The following DCC variants were observed in gnomAD, a reference collection of about 807,000 sequenced individuals.
DCC encodes netrin receptor DCC.
In DCC, 58 loss-of-function variants were observed where a neutral mutation model predicts 172.5. That is an observed-to-expected ratio of 0.34 (90% CI 0.27 to 0.42). The LOEUF is 0.42. DCC is among the 10% of genes least tolerant of loss of function. DCC has a pLI of 1.00. For synonymous variants in DCC, 709 were observed against 644.5 expected, an observed-to-expected ratio of 1.10 and a Z score of -1.52; for missense variants, 1,740 against 1,791.0, an observed-to-expected ratio of 0.97 and a Z score of 0.51.
At chr18:52,743,461 A>G (rs1442533809) in intron 1 of DCC, among the ~76,000 whole-genome samples, 1 of 152,088 alleles carries the variant, frequency 6.6e-6, no homozygotes, top group Non-Finnish European at 1.5e-5. Context: ...GTTGGGCTGG[A>G]AAAAAAATTT....
chr18:52,664,470 C>CTTTTTTTTTTTTT lies in DCC; in HGVS notation c.92-87579_92-87578insTTTTTTTTTTTTT, dbSNP rs74178680. ...CAAATATCTTTTTTCTTTTCTTTTTCTTTTTCTTTTTTTTTTTTTTTTGAG... is the reference window on the plus strand; with the variant it reads ...CAAATATCTTTTTTCTTTTCTTTTTCTTTTTTTTTTTTTTTTTTCTTTTTTTTTTTTTTTTGAG... On this transcript the variant is annotated intron_variant, in intron 1 of 28. Coordinates refer to ENST00000442544, the MANE Select transcript of DCC (RefSeq NM_005215.4). 5.4e-4 allele frequency among the ~76,000 whole-genome samples: 54 copies of CTTTTTTTTTTTTT among 99,792 alleles called. 4 individuals are homozygous for CTTTTTTTTTTTTT. The highest frequency in any genetic ancestry group is 9.1e-4 in the East Asian group (3 of 3,298). 65.5% of individuals were successfully genotyped at this position (99,792 alleles called of 152,430 possible).
intron 12 of DCC, among the ~76,000 whole-genome samples, chr18:53,216,107 T>C (rs1447133305): frequency 6.6e-6 from 1 of 152,216 alleles, no homozygotes. Flanking sequence ...GTTACCTAGT[T>C]GTTAGAACTT....
intron 1 of DCC, among the ~76,000 whole-genome samples, chr18:52,645,557 G>C (rs1056410436): frequency 6.6e-6 from 1 of 152,128 alleles, no homozygotes; most frequent in African/African-American, 2.4e-5. Flanking sequence ...GTAAAAGCTT[G>C]TCCTCAAGAG....
chr18:53,204,910 G>A (rs1216299502), intron 9 of DCC, among the ~76,000 whole-genome samples: 1 of 152,068 alleles, frequency 6.6e-6, no homozygotes, highest in Non-Finnish European at 1.5e-5. Context: ...TTCAGACTAA[G>A]AATTTAGATT....
At chr18:52,912,053 A>C (rs1407229369) in intron 3 of DCC, among the ~76,000 whole-genome samples, 1 of 152,024 alleles carries the variant, frequency 6.6e-6, no homozygotes, top group African/African-American at 2.4e-5. Context: ...AACATTGACC[A>C]GTTAATAAAT....
At chr18:53,322,198 T>C (rs768915555) in intron 14 of DCC, 41 bp downstream of exon 14, 16 of 1,053,558 alleles carry the variant, frequency 1.5e-5, no homozygotes, top group Non-Finnish European at 2.4e-5. Flanking sequence ...GATTATCTTC[T>C]TGTTATCTCA....
chr18:52,751,995 T>G (rs927348318), intron 1 of DCC, 59 bp from the exon 2 acceptor site: 2 of 1,428,294 alleles, frequency 1.4e-6, no homozygotes, highest in South Asian at 2.3e-5. Context: ...AGACAGGGAA[T>G]CTAAGCCTGA....
intron 1 of DCC, among the ~76,000 whole-genome samples, chr18:52,610,191 A>G (rs1355187150): frequency 6.6e-5 from 1 of 15,106 alleles, no homozygotes; most frequent in Non-Finnish European, 1.2e-4. Flanking sequence ...ATATATATAT[A>G]TATATATATA....
At chr18:52,357,253 A>G (rs985024430) in intron 1 of DCC, among the ~76,000 whole-genome samples, 1 of 152,220 alleles carries the variant, frequency 6.6e-6, no homozygotes, top group Non-Finnish European at 1.5e-5. Flanking sequence ...CCTCAGGGAA[A>G]TAGTTGATTC....
intron 1 of DCC, among the ~76,000 whole-genome samples, chr18:52,698,402 G>A (rs1176287565): frequency 1.3e-5 from 2 of 152,130 alleles, no homozygotes; most frequent in Non-Finnish European, 2.9e-5. Flanking sequence ...GAGCTGACCT[G>A]ATTACCCAGT....
At chr18:53,069,431 T>G (rs755419677) in intron 7 of DCC, among the ~76,000 whole-genome samples, 8 of 152,074 alleles carry the variant, frequency 5.3e-5, no homozygotes, top group Non-Finnish European at 1.0e-4. Flanking sequence ...GAAAGGACTT[T>G]TCCCAAGAGG....
chr18:53,171,016 C>T (rs1443586316), intron 8 of DCC, among the ~76,000 whole-genome samples: 4 of 152,078 alleles, frequency 2.6e-5, no homozygotes, highest in Non-Finnish European at 1.5e-5. Context: ...ACTAGAGTAG[C>T]TAGAATTACA....
At chr18:53,460,359 C>T (rs1568146253) in intron 24 of DCC, among the ~76,000 whole-genome samples, 1 of 139,402 alleles carries the variant, frequency 7.2e-6, no homozygotes, top group African/African-American at 2.6e-5. Context: ...TATACATGTG[C>T]CATGCTGGTG....
At chr18:52,653,090 C>A (rs2035174458) in intron 1 of DCC, among the ~76,000 whole-genome samples, 2 of 152,102 alleles carry the variant, frequency 1.3e-5, no homozygotes, top group African/African-American at 4.8e-5. Flanking sequence ...TTATCATTGC[C>A]TGCACAAAAG....
rs539898465 is a variant in DCC, at chr18:52,739,262, C to T, written c.92-12792C>T. Among the ~76,000 whole-genome samples, 7 of 152,262 alleles carry T rather than the reference C, an allele frequency of 4.6e-5. No individual in the cohort carries two copies. The South Asian group carries it at 1.4e-3, about 32-fold the overall frequency. ...TCTCAGTCATTCACCACCAACCTAG[C>T]AGAATTAGGTCCATTTTTTTTAAAC... On this transcript the variant is annotated intron_variant, in intron 1 of 28. Transcript: ENST00000442544.
intron 2 of DCC, among the ~76,000 whole-genome samples, chr18:52,785,577 G>T (rs1321056598): frequency 1.3e-5 from 2 of 151,996 alleles, no homozygotes; most frequent in East Asian, 3.9e-4. Context: ...CAATCTAAGG[G>T]TCCTCAGAAG....
At chr18:52,965,159 A>G (rs2040909016) in intron 5 of DCC, 1 of 152,208 alleles carries the variant, frequency 6.6e-6, no homozygotes, top group South Asian at 2.1e-4. Flanking sequence ...TCCAGGGATT[A>G]AGATGAGGAT....
At position 53,205,335 on chromosome 18, in the gene DCC, T is replaced by C. The variant is rs142653007; in HGVS notation, c.1693T>C (p.Cys565Arg). 6.2e-7 allele frequency: 1 copy of C among 1,614,034 alleles called. No homozygotes were observed. The highest frequency in any genetic ancestry group is 8.5e-7 in the Non-Finnish European group (1 of 1,179,922). ...NGPVQGYRLF[C>R]TEVSTGKEQN... Reference sequence around the variant, plus strand: ...TCCAGTCCAAGGTTACAGATTGTTCTGCACTGAGGTGTCCACAGGAAAAGA... The same window carrying C: ...TCCAGTCCAAGGTTACAGATTGTTCCGCACTGAGGTGTCCACAGGAAAAGA... Residue 565 changes from cysteine (C) to arginine (R), a missense_variant, in exon 10 of 29, where the codon TGC (cysteine) becomes CGC (arginine). Cys to Arg is a radical substitution (Grantham distance 180, BLOSUM62 -3). Transcript: ENST00000442544.
At chr18:52,684,658 C>G (rs1490999304) in intron 1 of DCC, among the ~76,000 whole-genome samples, 1 of 152,058 alleles carries the variant, frequency 6.6e-6, no homozygotes, top group East Asian at 1.9e-4. Flanking sequence ...ATCCATCTGA[C>G]TGCTGCTGGT....
Sources: gnomAD v4.1 joint callset for allele counts (sites outside exome capture counted in the v4.1 genomes callset) on GRCh38, gnomAD v4.1.1 for gene constraint, MANE v1.5 for transcripts, NCBI Gene and HGNC (gene_info 2026-07-23, HGNC 2026-07-21) for gene names.